KIF21A: variants seen among roughly 807,000 people sequenced by gnomAD.
KIF21A encodes kinesin-like protein KIF21A.
In KIF21A, 114 loss-of-function variants were observed where a neutral mutation model predicts 202.9. That is an observed-to-expected ratio of 0.56 (90% CI 0.48 to 0.66). KIF21A has a LOEUF of 0.66. KIF21A is among the 30% of genes least tolerant of loss of function. The pLI is 0.00. For synonymous variants in KIF21A, 667 were observed against 670.8 expected (o/e 0.99, Z 0.09); for missense variants, 1,677 against 1,994.9 (o/e 0.84, Z 3.04).
At chr12:39,323,739 G>A (rs1413806833) in intron 26 of KIF21A, among the ~76,000 whole-genome samples, 2 of 152,082 alleles carry the variant, frequency 1.3e-5, no homozygotes, top group Non-Finnish European at 2.9e-5. Context: ...TATAGCCCCA[G>A]CTCTTAACAC....
intron 1 of KIF21A, among the ~76,000 whole-genome samples, chr12:39,440,526 TC>T (rs1939418776): frequency 6.6e-6 from 1 of 152,150 alleles, no homozygotes; most frequent in East Asian, 1.9e-4. Context: ...ACAGTATAAG[TC>T]AAACAATTAT....
intron 1 of KIF21A, among the ~76,000 whole-genome samples, chr12:39,409,524 GAAA>G (rs766308414): frequency 1.1e-5 from 1 of 87,940 alleles, no homozygotes; most frequent in Non-Finnish European, 2.5e-5. Context: ...CCATGTCTCA[GAAA>G]AAAAAAAAAA....
At chr12:39,439,891 TAG>T (rs1939326279) in intron 1 of KIF21A, among the ~76,000 whole-genome samples, 1 of 152,174 alleles carries the variant, frequency 6.6e-6, no homozygotes, top group South Asian at 2.1e-4. Context: ...AAATCTACAA[TAG>T]AGTCATCAGC....
Position 39,368,662 on chromosome 12 carries a change from T to A in KIF21A, c.451-630A>T, listed in dbSNP as rs140184555. ...TGTTTCTTTTCTTTTTCCACCATCA[T>A]TTACTTTCCTTAGGAATACATAGTT... On this transcript the variant is annotated intron_variant, in intron 3 of 37. Transcript: ENST00000361418. 3.9e-4 allele frequency among the ~76,000 whole-genome samples: 60 copies of A among 152,270 alleles called. 1 individual carries two copies. The East Asian group carries it at 0.011, about 29-fold the overall frequency.
At chr12:39,363,026 T>C in intron 7 of KIF21A, 72 bp downstream of exon 7, 1 of 1,000,340 alleles carries the variant, frequency 1.0e-6, no homozygotes, top group African/African-American at 1.6e-5. Flanking sequence ...GTAGTTCTTA[T>C]AAATCATCTT....
chr12:39,347,407 T>G (rs1000908847), intron 11 of KIF21A, among the ~76,000 whole-genome samples: 3 of 151,970 alleles, frequency 2.0e-5, no homozygotes, highest in Non-Finnish European at 2.9e-5. Flanking sequence ...GTATTTGTCA[T>G]GTAGACAAAA....
intron 1 of KIF21A, among the ~76,000 whole-genome samples, chr12:39,402,039 A>G (rs1952206157): frequency 6.6e-6 from 1 of 152,208 alleles, no homozygotes; most frequent in African/African-American, 2.4e-5. Flanking sequence ...TGATAAAACA[A>G]AAACAAAATC....
In KIF21A at chr12:39,330,922, A is replaced by G; in HGVS notation, c.3154-11T>C. On this transcript the variant is annotated splice_polypyrimidine_tract_variant and intron_variant, in intron 22 of 37. Transcript: ENST00000361418. ...GGCAGCCTGAAGACCCTGAAACACA[A>G]CAAAAAATTATCTTAGGTCATACGA... The G allele has an allele frequency of 1.2e-6, 2 of 1,613,654 alleles. No homozygotes were observed. Among genetic ancestry groups the G allele is most frequent in the Non-Finnish European group, 1.7e-6 (2 of 1,179,628 alleles).
chr12:39,349,961 T>C (rs1948231494), intron 11 of KIF21A, among the ~76,000 whole-genome samples: 1 of 152,016 alleles, frequency 6.6e-6, no homozygotes, highest in Admixed American at 6.6e-5. Context: ...CACTACAGCA[T>C]GTGTGAAAAT....
chr12:39,380,111 G>A (rs1452401528), intron 1 of KIF21A, among the ~76,000 whole-genome samples: 1 of 152,172 alleles, frequency 6.6e-6, no homozygotes, highest in Non-Finnish European at 1.5e-5. Context: ...GGGATTACAG[G>A]AGCACGCTGC....
intron 1 of KIF21A, among the ~76,000 whole-genome samples, chr12:39,378,296 A>C (rs1950389266): frequency 6.6e-6 from 1 of 152,230 alleles, no homozygotes; most frequent in African/African-American, 2.4e-5. Flanking sequence ...AGTATCATTC[A>C]CAAGGGGGTA....
At position 39,325,910 on chromosome 12, in the gene KIF21A, A is replaced by G; in HGVS notation, c.3402-17T>C. 6.3e-7 allele frequency: 1 copy of G among 1,596,558 alleles called. No individual in the cohort carries two copies. The highest frequency in any genetic ancestry group is 1.3e-5 in the African/African-American group (1 of 74,726). ...GACAGCGTGCTATGTGCAAATAAAT[A>G]ATTAAGCACAAGATTAAATAGAAAA... On this transcript the variant is annotated splice_polypyrimidine_tract_variant and intron_variant, in intron 25 of 37. Coordinates refer to ENST00000361418, the MANE Select transcript of KIF21A (RefSeq NM_001173464.2).
At chr12:39,381,776 G>C (rs1008875404) in intron 1 of KIF21A, among the ~76,000 whole-genome samples, 2 of 152,196 alleles carry the variant, frequency 1.3e-5, no homozygotes, top group East Asian at 3.8e-4. Flanking sequence ...ATTATGAGGA[G>C]ATACCACTTC....
intron 37 of KIF21A, among the ~76,000 whole-genome samples, chr12:39,296,586 A>G (rs894578980): frequency 6.6e-6 from 1 of 152,206 alleles, no homozygotes; most frequent in Non-Finnish European, 1.5e-5. Flanking sequence ...AGAGATTACA[A>G]TTTTAAATAA....
chr12:39,328,512 T>C (rs1361455030), intron 24 of KIF21A, among the ~76,000 whole-genome samples: 1 of 152,216 alleles, frequency 6.6e-6, no homozygotes, highest in Non-Finnish European at 1.5e-5. Context: ...CTAAGCCCTC[T>C]GAGTCTTCTA....
chr12:39,386,486 A>C (rs1467095072), intron 1 of KIF21A, among the ~76,000 whole-genome samples: 1 of 152,180 alleles, frequency 6.6e-6, no homozygotes, highest in Non-Finnish European at 1.5e-5. Flanking sequence ...AGCTCAACTC[A>C]TGTCCTAACA....
At chr12:39,299,480 G>T (rs565028819) in intron 37 of KIF21A, among the ~76,000 whole-genome samples, 1 of 152,160 alleles carries the variant, frequency 6.6e-6, no homozygotes, top group East Asian at 1.9e-4. Context: ...GTGGAAAAAG[G>T]GAACACTTAT....
intron 1 of KIF21A, among the ~76,000 whole-genome samples, chr12:39,417,094 G>A (rs1410094126): frequency 5.3e-5 from 8 of 151,726 alleles, no homozygotes; most frequent in Non-Finnish European, 4.4e-5. Flanking sequence ...TAGGAATGGG[G>A]CCAGAAGAAA....
Position 39,370,268 on chromosome 12 carries a change from G to T in KIF21A, c.45-7C>A. The T allele has an allele frequency of 6.4e-7, 1 of 1,574,742 alleles. No homozygotes were observed. The highest frequency in any genetic ancestry group is 1.1e-5 in the South Asian group (1 of 88,118). On this transcript the variant is annotated splice_polypyrimidine_tract_variant and splice_region_variant and intron_variant, in intron 1 of 37. Coordinates refer to ENST00000361418, the MANE Select transcript of KIF21A (RefSeq NM_001173464.2). ...GGCAAGCTGTGGTCTTATTCTGTGA[G>T]AAATAATCAGAAAAGAAAAAAATAA...
Sources: gnomAD v4.1 joint callset for allele counts (sites outside exome capture counted in the v4.1 genomes callset) on GRCh38, gnomAD v4.1.1 for gene constraint, MANE v1.5 for transcripts, NCBI Gene and HGNC (gene_info 2026-07-23, HGNC 2026-07-21) for gene names.